The following GRK3 variants were observed in gnomAD, a reference collection of about 807,000 sequenced individuals.
The protein encoded by GRK3 is G protein-coupled receptor kinase 3, also known as adrenergic, beta, receptor kinase 2.
In GRK3, 54 loss-of-function variants were observed where a neutral mutation model predicts 95.7. The observed-to-expected ratio is 0.56, with a 90% CI of 0.45 to 0.71. GRK3 has a LOEUF of 0.71. GRK3 is among the 30% of genes least tolerant of loss of function. GRK3 has a pLI of 0.00. For missense variants in GRK3, 649 were observed against 851.2 expected (o/e 0.76, Z 2.96); for synonymous variants, 281 against 290.8 (o/e 0.97, Z 0.34).
At chr22:25,716,331 G>T (rs946480401) in intron 18 of GRK3, among the ~76,000 whole-genome samples, 1 of 152,082 alleles carries the variant, frequency 6.6e-6, no homozygotes, top group South Asian at 2.1e-4. Context: ...ATCACACTGG[G>T]GTGTGTTTGC....
intron 2 of GRK3, among the ~76,000 whole-genome samples, chr22:25,639,477 C>T (rs1345641559): frequency 6.6e-6 from 1 of 152,072 alleles, no homozygotes; most frequent in Non-Finnish European, 1.5e-5. Flanking sequence ...TATTCTGGGA[C>T]CTTATATTTC....
intron 2 of GRK3, among the ~76,000 whole-genome samples, chr22:25,609,048 C>A (rs1452386147): frequency 2.0e-5 from 3 of 152,136 alleles, no homozygotes; most frequent in Non-Finnish European, 4.4e-5. Flanking sequence ...TAACTTGCTG[C>A]CAGTAAAACT....
rs546933803 is a variant in GRK3, at chr22:25,652,275, A to G, written c.264+7610A>G. ...CAGTGAAACTCTGTCTCTACTAAAA[A>G]TACAAAACAGCCGGGTGTGGTGGCA... On this transcript the variant is annotated intron_variant, in intron 3 of 20. Transcript: ENST00000324198. Among the ~76,000 whole-genome samples, 13 of 152,298 alleles carry G rather than the reference A, an allele frequency of 8.5e-5. 1 individual carries two copies. The Middle Eastern group carries it at 0.01, about 120-fold the overall frequency.
chr22:25,608,056 G>T lies in GRK3; in HGVS notation c.190+3603G>T, dbSNP rs557776496. ...TGCCATTTAGGGTCTCTGTAGTCAG[G>T]TCTCTAAAGTGGGCTCAGATGTGGT... On this transcript the variant is annotated intron_variant, in intron 2 of 20. Transcript: ENST00000324198. 2.6e-5 allele frequency among the ~76,000 whole-genome samples: 4 copies of T among 152,290 alleles called. No individual in the cohort carries two copies. In the East Asian group the frequency reaches 7.7e-4, roughly 29 times the overall value.
Position 25,728,475 on chromosome 22 carries a change from G to T in GRK3, c.*6025G>T, listed in dbSNP as rs775496604. 6.6e-6 allele frequency: 1 copy of T among 152,162 alleles called. No homozygotes were observed. The highest frequency in any genetic ancestry group is 2.4e-5 in the African/African-American group (1 of 41,428). The allele number at this position is 152,162 out of a possible 1,614,324, so 9.4% of individuals were successfully genotyped here. A position where few individuals can be genotyped will look rare whatever the true frequency, so the allele number is the denominator to read the frequency against. On this transcript the variant is annotated 3_prime_UTR_variant, in exon 21 of 21. Coordinates refer to ENST00000324198, the MANE Select transcript of GRK3 (RefSeq NM_005160.4). ...CCAGGAGCCCCTGTGTGTGGGGCAG[G>T]TAGCTATCCCTCCCATGTCATTAGT... is the stretch of plus-strand genomic sequence containing the variant.
rs550299297 is a variant in GRK3 at position 25,625,035 on chromosome 22, G to C, written c.191-19557G>C. On this transcript the variant is annotated intron_variant, in intron 2 of 20. Transcript: ENST00000324198. ...AGGTTCATGCCATTCTCCTGCCTCG[G>C]CCTCCCAAGTAGCTGGGACTACAGG... 6.6e-4 allele frequency among the ~76,000 whole-genome samples: 100 copies of C among 151,588 alleles called. 3 individuals carry two copies. The South Asian group carries it at 0.021, about 32-fold the overall frequency.
chr22:25,644,564 C>G, intron 2 of GRK3, 28 bp from the exon 3 acceptor site: 2 of 1,202,774 alleles, frequency 1.7e-6, no homozygotes, highest in South Asian at 1.4e-5. Flanking sequence ...AATTGCCCAC[C>G]CTGAAATTTT....
At chr22:25,674,774 C>G (rs1419257806) in intron 8 of GRK3, among the ~76,000 whole-genome samples, 1 of 152,048 alleles carries the variant, frequency 6.6e-6, no homozygotes, top group Non-Finnish European at 1.5e-5. Flanking sequence ...AGGGTGAAAC[C>G]CCGTTTCTAC....
intron 1 of GRK3, among the ~76,000 whole-genome samples, chr22:25,571,719 T>C (rs1325055801): frequency 6.6e-6 from 1 of 152,150 alleles, no homozygotes; most frequent in African/African-American, 2.4e-5. Flanking sequence ...GATGATTGGC[T>C]GGAACAGAGA....
At chr22:25,603,183 G>A (rs980704438) in intron 1 of GRK3, among the ~76,000 whole-genome samples, 14 of 152,092 alleles carry the variant, frequency 9.2e-5, no homozygotes, top group African/African-American at 3.4e-4. Flanking sequence ...TCCCAAAGTG[G>A]TGGGATTACA....
At chr22:25,687,196 A>G (rs1221212124) in intron 10 of GRK3, among the ~76,000 whole-genome samples, 1 of 150,204 alleles carries the variant, frequency 6.7e-6, no homozygotes, top group Non-Finnish European at 1.5e-5. Context: ...CTGTTGGATC[A>G]CTCCATGGGT....
At chr22:25,596,570 G>T (rs1340576954) in intron 1 of GRK3, among the ~76,000 whole-genome samples, 1 of 152,200 alleles carries the variant, frequency 6.6e-6, no homozygotes, top group Non-Finnish European at 1.5e-5. Flanking sequence ...AGTACTATGA[G>T]TGACTTCTCA....
intron 19 of GRK3, 85 bp from the exon 20 acceptor site, chr22:25,721,199 C>T (rs2146477336): frequency 1.6e-6 from 1 of 630,762 alleles, no homozygotes; most frequent in East Asian, 3.1e-5. Flanking sequence ...TCTTTTTTTA[C>T]TTGTTCTAAC....
Position 25,616,484 on chromosome 22 carries a change from G to A in GRK3, c.190+12031G>A, listed in dbSNP as rs1405935664. On this transcript the variant is annotated intron_variant, in intron 2 of 20. Coordinates refer to ENST00000324198, the MANE Select transcript of GRK3 (RefSeq NM_005160.4). ...AACTCACTCTCATGAGAACAGCAAG[G>A]AGGAAATCCGTGCCCATGACCCAGT... Among the ~76,000 whole-genome samples the A allele has an allele frequency of 2.0e-5, 3 of 152,110 alleles. No individual in the cohort carries two copies. The East Asian group carries it at 5.8e-4, about 29-fold the overall frequency.
At position 25,565,133 on chromosome 22, in the gene GRK3, G is replaced by C; in HGVS notation, c.93G>C (p.Arg31Ser). The C allele has an allele frequency of 6.5e-7, 1 of 1,544,420 alleles. No individual in the cohort carries two copies. Among genetic ancestry groups the C allele is most frequent in the Non-Finnish European group, 8.7e-7 (1 of 1,148,940 alleles). ...KATPAARASK[R>S]IVLPEPSIRS... is the part of the protein sequence containing the mutation. ...CCCCGGCCGCCCGCGCCAGCAAGAG[G>C]ATCGTCCTGCCGGAGCCCAGGTACC... The change falls in exon 1 of 21, where the codon AGG becomes AGC. Residue 31 changes from arginine (R) to serine (S), a missense_variant. Arg to Ser is a moderately radical substitution (Grantham distance 110). Coordinates refer to ENST00000324198, the MANE Select transcript of GRK3 (RefSeq NM_005160.4).
At chr22:25,679,809 G>A (rs979774171) in intron 9 of GRK3, among the ~76,000 whole-genome samples, 3 of 152,124 alleles carry the variant, frequency 2.0e-5, no homozygotes, top group African/African-American at 4.8e-5. Context: ...GAATGAAACC[G>A]TAGATACTCC....
intron 2 of GRK3, among the ~76,000 whole-genome samples, chr22:25,632,368 C>T (rs538906405): frequency 6.6e-6 from 1 of 152,252 alleles, no homozygotes; most frequent in African/African-American, 2.4e-5. Flanking sequence ...AAGTCTTTTG[C>T]TCAAAAATAT....
intron 6 of GRK3, among the ~76,000 whole-genome samples, chr22:25,671,366 C>G (rs775117934): frequency 2.0e-5 from 3 of 152,128 alleles, no homozygotes; most frequent in Non-Finnish European, 2.9e-5. Context: ...AAACAAAAGA[C>G]CCACCTTACA....
chr22:25,678,955 T>C (rs758719712), intron 9 of GRK3, 40 bp downstream of exon 9: 1 of 1,347,376 alleles, frequency 7.4e-7, no homozygotes, highest in Non-Finnish European at 1.0e-6. Context: ...AAAAATGTTT[T>C]GTTTGTTTCA....
Sources: gnomAD v4.1 joint callset for allele counts (sites outside exome capture counted in the v4.1 genomes callset) on GRCh38, gnomAD v4.1.1 for gene constraint, MANE v1.5 for transcripts, NCBI Gene and HGNC (gene_info 2026-07-23, HGNC 2026-07-21) for gene names.